Variants in PTPRN2 observed in about 807,000 individuals in gnomAD.
PTPRN2 encodes the protein receptor-type tyrosine-protein phosphatase N2.
Under a neutral mutation model 118.8 loss-of-function variants are expected in PTPRN2, and 74 were observed. The observed-to-expected ratio is 0.62, with a 90% CI of 0.52 to 0.76. The LOEUF (loss-of-function observed/expected upper bound fraction) is 0.76. Ranked by LOEUF, PTPRN2 falls within the 30% of genes least tolerant of loss-of-function variation. The probability of loss-of-function intolerance (pLI) is 0.00; values close to 1 mark genes in which losing one functional copy is unlikely to be tolerated. For synonymous variants in PTPRN2, 641 were observed against 608.0 expected (o/e 1.05, Z -0.80); for missense variants, 1,481 against 1,394.4 (o/e 1.06, Z -0.99).
At chr7:157,810,044 C>T (rs1002611378) in intron 12 of PTPRN2, among the ~76,000 whole-genome samples, 6 of 152,214 alleles carry the variant, frequency 3.9e-5, no homozygotes, top group African/African-American at 1.2e-4. Flanking sequence ...GTCCAACTCA[C>T]GAGGGCTCGG....
chr7:157,992,942 G>C (rs1804360654), intron 11 of PTPRN2, among the ~76,000 whole-genome samples: 1 of 152,244 alleles, frequency 6.6e-6, no homozygotes, highest in Non-Finnish European at 1.5e-5. Context: ...GTGGCGGCCG[G>C]GTCACTCCCA....
intron 11 of PTPRN2, among the ~76,000 whole-genome samples, chr7:158,080,938 C>T (rs767430138): frequency 6.6e-6 from 1 of 152,218 alleles, no homozygotes; most frequent in Non-Finnish European, 1.5e-5. Context: ...GCTCTGCACA[C>T]ACTGGGATTA....
chr7:158,282,508 G>A (rs1393300485), intron 3 of PTPRN2, among the ~76,000 whole-genome samples: 1 of 152,206 alleles, frequency 6.6e-6, no homozygotes, highest in Non-Finnish European at 1.5e-5. Flanking sequence ...CAGCGGGGTC[G>A]AGGCTGCGGC....
Position 157,556,890 on chromosome 7 carries a change from A to G in PTPRN2, c.2903-7871T>C, listed in dbSNP as rs1798919785. On this transcript the variant is annotated intron_variant, in intron 21 of 22. Transcript: ENST00000389418. ...ATACATATCCATGCTCACATGTCAT[A>G]CATATGCATGCACACACATATACAC... 2.0e-5 allele frequency among the ~76,000 whole-genome samples: 3 copies of G among 151,956 alleles called. No individual in the cohort carries two copies. The South Asian group carries it at 6.2e-4, about 31-fold the overall frequency.
At chr7:157,653,988 G>A (rs1285665172) in intron 14 of PTPRN2, among the ~76,000 whole-genome samples, 9 of 79,794 alleles carry the variant, frequency 1.1e-4, no homozygotes, top group African/African-American at 4.6e-4. Flanking sequence ...CACCATGCCC[G>A]CCGCTCCCCA....
At chr7:158,201,239 C>T (rs1297105691) in intron 4 of PTPRN2, among the ~76,000 whole-genome samples, 4 of 152,054 alleles carry the variant, frequency 2.6e-5, no homozygotes, top group African/African-American at 9.7e-5. Flanking sequence ...AGGAATATAA[C>T]TACACAAGTG....
At chr7:158,064,451 T>C (rs1020920834) in intron 11 of PTPRN2, among the ~76,000 whole-genome samples, 1 of 152,052 alleles carries the variant, frequency 6.6e-6, no homozygotes, top group Admixed American at 6.5e-5. Flanking sequence ...GTCACAGCCA[T>C]GGGGGAGCCG....
rs1270884215 is a variant in PTPRN2, at chr7:157,794,630, A to T, written c.1788+104043T>A. Among the ~76,000 whole-genome samples, 1 of 152,186 alleles carries T rather than the reference A, an allele frequency of 6.6e-6. No homozygotes were observed. Among genetic ancestry groups the T allele is most frequent in the Non-Finnish European group, 1.5e-5 (1 of 68,026 alleles). The stretch of plus-strand genomic sequence containing the variant: ...CTCTGTGAACACCCACTAAAACCGT[A>T]AGTGGGAAAAGTGGGTGCCTTCTGT... On this transcript the variant is annotated intron_variant, in intron 12 of 22. Transcript: ENST00000389418. This position sits in a 1 kb window ranked among gnomAD's most constrained non-coding sequence, Gnocchi z 5.2.
chr7:158,307,979 C>A (rs968333916), intron 3 of PTPRN2, among the ~76,000 whole-genome samples: 1 of 152,188 alleles, frequency 6.6e-6, no homozygotes, highest in Non-Finnish European at 1.5e-5. Flanking sequence ...CAGGACTCTG[C>A]AGAGAGTCCC....
chr7:157,670,332 C>T (rs1160116692), intron 13 of PTPRN2, among the ~76,000 whole-genome samples: 1 of 152,070 alleles, frequency 6.6e-6, no homozygotes, highest in African/African-American at 2.4e-5. Context: ...TTAGGGACTG[C>T]CTCTCCCCTA....
chr7:158,035,903 G>A (rs73171523), intron 11 of PTPRN2, among the ~76,000 whole-genome samples: 5,794 of 152,248 alleles, frequency 0.038, 122 homozygotes, highest in Non-Finnish European at 0.044. Context: ...AAAACAATCT[G>A]TAATGAGAAA....
At chr7:157,605,691 G>C (rs995100461) in intron 15 of PTPRN2, among the ~76,000 whole-genome samples, 1 of 152,238 alleles carries the variant, frequency 6.6e-6, no homozygotes, top group South Asian at 2.1e-4. Context: ...TGAGTGTTCA[G>C]CTCCTAGCAA....
At chr7:158,249,227 A>G (rs1047781212) in intron 3 of PTPRN2, among the ~76,000 whole-genome samples, 2 of 152,042 alleles carry the variant, frequency 1.3e-5, no homozygotes, top group Admixed American at 6.5e-5. Flanking sequence ...AAATGCATAC[A>G]TACACGTATC....
At chr7:158,275,415 C>A (rs1477415877) in intron 3 of PTPRN2, among the ~76,000 whole-genome samples, 1 of 152,164 alleles carries the variant, frequency 6.6e-6, no homozygotes, top group Non-Finnish European at 1.5e-5. Flanking sequence ...GGCTATTTTT[C>A]TCTTCCCAAA....
chr7:157,728,977 C>T (rs984513155), intron 12 of PTPRN2, among the ~76,000 whole-genome samples: 2 of 152,294 alleles, frequency 1.3e-5, no homozygotes, highest in South Asian at 4.1e-4. Flanking sequence ...ACGGCGCTGA[C>T]CCGGGGCCAG....
intron 2 of PTPRN2, among the ~76,000 whole-genome samples, chr7:158,385,055 CT>C (rs1201445075): frequency 3.9e-5 from 6 of 152,216 alleles, no homozygotes; most frequent in African/African-American, 1.4e-4. Flanking sequence ...TCAACGTCCC[CT>C]AATGGAGTTT....
chr7:158,374,927 T>C (rs1318597437), intron 2 of PTPRN2, among the ~76,000 whole-genome samples: 1 of 152,210 alleles, frequency 6.6e-6, no homozygotes, highest in Non-Finnish European at 1.5e-5. Context: ...ATTTCTACTA[T>C]ATGTAACATT....
At position 158,191,860 on chromosome 7, in the gene PTPRN2, C is replaced by T. The variant is rs571194991; in HGVS notation, c.549+467G>A. On this transcript the variant is annotated intron_variant, in intron 5 of 22. Coordinates refer to ENST00000389418, the MANE Select transcript of PTPRN2 (RefSeq NM_002847.5). ...ACGCTGCCCTGGGCTGCCCCCGGGG[C>T]AGGCTTGCCGGGGAGCAGGAGCTTT... Among the ~76,000 whole-genome samples, 61 of 152,232 alleles carry T rather than the reference C, an allele frequency of 4.0e-4. 1 individual carries two copies. In the South Asian group the frequency reaches 0.012, roughly 30 times the overall value.
chr7:157,665,258 C>T (rs993736628), intron 13 of PTPRN2, among the ~76,000 whole-genome samples: 3 of 152,338 alleles, frequency 2.0e-5, no homozygotes, highest in South Asian at 2.1e-4. Flanking sequence ...TTATGATCCG[C>T]GACTATGCAC....
Sources: allele counts gnomAD v4.1 joint callset (sites outside exome capture counted in the v4.1 genomes callset), GRCh38; gene constraint gnomAD v4.1.1; non-coding constraint Gnocchi (gnomAD v3.1); transcripts MANE v1.5; gene names NCBI Gene and HGNC (gene_info 2026-07-23, HGNC 2026-07-21).